Variants in DMTN observed in about 807,000 individuals in gnomAD.
DMTN encodes the protein dematin actin binding protein.
In DMTN, 27 loss-of-function variants were observed where a neutral mutation model predicts 59.4. That is an observed-to-expected ratio of 0.45 (90% confidence interval 0.33 to 0.63). The LOEUF (loss-of-function observed/expected upper bound fraction) is 0.63. DMTN is among the 20% of genes least tolerant of loss of function. The pLI, the probability that DMTN is intolerant of heterozygous loss-of-function variation, is 0.02. For missense variants in DMTN, 451 were observed against 528.9 expected (o/e 0.85, Z 1.45); for synonymous variants, 221 against 203.7 (o/e 1.08, Z -0.72).
In DMTN at chr8:22,067,784, C is replaced by T. The variant is rs371111018; in HGVS notation, c.249+102C>T. 4.3e-5 allele frequency: 61 copies of T among 1,404,314 alleles called. 2 individuals carry two copies. The South Asian group carries it at 5.7e-4, about 13-fold the overall frequency. The allele number at this position is 1,404,314 out of a possible 1,614,324, so 87.0% of individuals were successfully genotyped here. On this transcript the variant is annotated intron_variant, in intron 4 of 15. Transcript: ENST00000358242. ...TGCTTCCTTTCCTGGAGGTCTGCCTCGGCAAAACAAGAGAGGGAACTGTGC... is the reference window on the plus strand; with the variant it reads ...TGCTTCCTTTCCTGGAGGTCTGCCTTGGCAAAACAAGAGAGGGAACTGTGC...
chr8:22,081,105 A>G lies in DMTN; in HGVS notation c.1024-8A>G. The G allele has an allele frequency of 1.4e-6, 1 of 696,842 alleles. No homozygotes were observed. The highest frequency in any genetic ancestry group is 1.4e-5 in the South Asian group (1 of 70,474). The allele number at this position is 696,842 out of a possible 1,614,324, so 43.2% of individuals were successfully genotyped here. A position where few individuals can be genotyped will look rare whatever the true frequency, so the allele number is the denominator to read the frequency against. The stretch of plus-strand genomic sequence containing the variant: ...TGAGCCTAAGATTGCCCCTCCCCCC[A>G]CCCCCAGATCTATCCCTATGAAATG... On this transcript the variant is annotated splice_polypyrimidine_tract_variant and splice_region_variant and intron_variant, in intron 14 of 15. Coordinates refer to ENST00000358242, the MANE Select transcript of DMTN (RefSeq NM_001387751.1).
intron 1 of DMTN, among the ~76,000 whole-genome samples, chr8:22,064,888 A>T (rs1332397362): frequency 6.6e-6 from 1 of 152,160 alleles, no homozygotes; most frequent in East Asian, 1.9e-4. Context: ...CGTGCTGAAG[A>T]CACAGTCATT....
At chr8:22,052,148 G>A (rs931577579), upstream of DMTN, among the ~76,000 whole-genome samples, 2 of 152,204 alleles carry the variant, frequency 1.3e-5, no homozygotes, top group Non-Finnish European at 2.9e-5. Flanking sequence ...TGTCTCCACT[G>A]CCACTGGTCT....
chr8:22,067,546 T>C lies in DMTN; in HGVS notation c.113T>C (p.Val38Ala), dbSNP rs770590806. 5 of 1,614,110 alleles carry C rather than the reference T, an allele frequency of 3.1e-6. No homozygotes were observed. The highest frequency in any genetic ancestry group is 3.4e-6 in the Non-Finnish European group (4 of 1,180,018). The change falls in exon 4 of 16, where the codon GTG becomes GCG. Residue 38 changes from valine to alanine, a missense_variant. Val to Ala is a moderately conservative substitution (Grantham distance 64). Coordinates refer to ENST00000358242, the MANE Select transcript of DMTN (RefSeq NM_001387751.1). ...CTTCAGGCCAAGATGGACAATCAGGTGCTGGGCTACAAGGACCTGGCTGCC... is the reference window on the plus strand; with the variant it reads ...CTTCAGGCCAAGATGGACAATCAGGCGCTGGGCTACAAGGACCTGGCTGCC... ...SSIVAKMDNQ[V>A]LGYKDLAAIP...
intron 4 of DMTN, among the ~76,000 whole-genome samples, chr8:22,068,654 G>A (rs1042956302): frequency 6.6e-6 from 1 of 151,458 alleles, no homozygotes; most frequent in African/African-American, 2.4e-5. Context: ...GGGAAGGAAG[G>A]GAGGAAGGCA....
At chr8:22,078,167 C>G (rs1158584016) in intron 10 of DMTN, among the ~76,000 whole-genome samples, 2 of 151,750 alleles carry the variant, frequency 1.3e-5, no homozygotes, top group African/African-American at 2.4e-5. Flanking sequence ...GAGCTCAAGA[C>G]CAGCATGGCC....
upstream of DMTN, among the ~76,000 whole-genome samples, chr8:22,049,395 C>A (rs1321544991): frequency 1.5e-4 from 18 of 122,960 alleles, no homozygotes; most frequent in Admixed American, 1.1e-3. Flanking sequence ...GGGTAGGGGG[C>A]GAGAGGGGCG....
upstream of DMTN, among the ~76,000 whole-genome samples, chr8:22,055,301 G>A (rs913528711): frequency 2.0e-5 from 3 of 152,142 alleles, no homozygotes; most frequent in Non-Finnish European, 4.4e-5. Flanking sequence ...GGGGTGCGGC[G>A]GGGATCAGGA....
chr8:22,082,459 C>G lies in DMTN; in HGVS notation c.*996C>G, dbSNP rs1824764472. ...GCCCAGACCCTGACATCCCTTTCCA[C>G]TGTGTGTGTGACCATGCTGGGGGAG... is the stretch of plus-strand genomic sequence containing the variant. On this transcript the variant is annotated 3_prime_UTR_variant, in exon 16 of 16. Transcript: ENST00000358242. 4 of 339,770 alleles carry G rather than the reference C, an allele frequency of 1.2e-5. No homozygotes were observed. The highest frequency in any genetic ancestry group is 9.3e-5 in the South Asian group (4 of 42,924). The allele number at this position is 339,770 out of a possible 1,614,324, so 21.0% of individuals were successfully genotyped here.
intron 8 of DMTN, 138 bp from the exon 9 acceptor site, chr8:22,072,188 C>G: frequency 3.5e-6 from 4 of 1,159,196 alleles, no homozygotes; most frequent in Non-Finnish European, 4.5e-6. Flanking sequence ...TCTACCGACC[C>G]TACTTTATTT....
rs766834317 is a variant in DMTN, at chr8:22,081,181, G to C, written c.1092G>C (p.Arg364=). Residue 364 remains arginine, a synonymous_variant, in exon 15 of 16, where the codon CGG becomes CGC. Coordinates refer to ENST00000358242, the MANE Select transcript of DMTN (RefSeq NM_001387751.1). ...GRTKLPPGVD[R]MRLERHLSAE... ...CCAAGCTGCCACCGGGGGTGGATCGGATGCGGCTTGAGGTAGGCAAGGAAG... is the reference window on the plus strand; with the variant it reads ...CCAAGCTGCCACCGGGGGTGGATCGCATGCGGCTTGAGGTAGGCAAGGAAG... 7 of 1,613,330 alleles carry C rather than the reference G, an allele frequency of 4.3e-6. No homozygotes were observed. Among genetic ancestry groups the C allele is most frequent in the Non-Finnish European group, 5.9e-6 (7 of 1,179,886 alleles).
At chr8:22,076,421 G>A (rs1292766925) in intron 10 of DMTN, among the ~76,000 whole-genome samples, 2 of 152,010 alleles carry the variant, frequency 1.3e-5, no homozygotes, top group African/African-American at 2.4e-5. Context: ...TCTGGGCAAC[G>A]TAGTGAGACA....
intron 8 of DMTN, among the ~76,000 whole-genome samples, chr8:22,071,579 A>ATATT (rs1392944028): frequency 1.3e-5 from 2 of 150,300 alleles, no homozygotes; most frequent in African/African-American, 4.9e-5. Flanking sequence ...ATTTATATTT[A>ATATT]TATTTATTTA....
chr8:22,073,848 G>A lies in DMTN; in HGVS notation c.835+13G>A, dbSNP rs2131273343. ...CCCTTCCATACCTGTGAGTGCTGTG[G>A]AGGGGGCTCAGAGTCACCTGGCCAG... On this transcript the variant is annotated intron_variant, in intron 10 of 15. Coordinates refer to ENST00000358242, the MANE Select transcript of DMTN (RefSeq NM_001387751.1). The A allele has an allele frequency of 6.2e-7, 1 of 1,611,986 alleles. No homozygotes were observed. The highest frequency in any genetic ancestry group is 2.2e-5 in the East Asian group (1 of 44,860).
At chr8:22,077,249 A>G (rs1020481031) in intron 10 of DMTN, among the ~76,000 whole-genome samples, 1 of 152,104 alleles carries the variant, frequency 6.6e-6, no homozygotes, top group African/African-American at 2.4e-5. Flanking sequence ...GGAGTTCTCC[A>G]TGAGGTTGCT....
rs1027266943 is a variant in DMTN, at chr8:22,081,762, A to G, written c.*299A>G. On this transcript the variant is annotated 3_prime_UTR_variant, in exon 16 of 16. Coordinates refer to ENST00000358242, the MANE Select transcript of DMTN (RefSeq NM_001387751.1). Reference sequence around the variant, plus strand: ...TCCCTGCCCCTCACCCCAGAGGGTGAGGAGGAATGAGGGGCATTGGTGGTT... The same window carrying G: ...TCCCTGCCCCTCACCCCAGAGGGTGGGGAGGAATGAGGGGCATTGGTGGTT... 7.6e-6 allele frequency: 4 copies of G among 527,210 alleles called. No homozygotes were observed. Among genetic ancestry groups the G allele is most frequent in the African/African-American group, 1.9e-5 (1 of 53,252 alleles). The allele number at this position is 527,210 out of a possible 1,614,324, so 32.7% of individuals were successfully genotyped here. A position where few individuals can be genotyped will look rare whatever the true frequency, so the allele number is the denominator to read the frequency against.
upstream of DMTN, among the ~76,000 whole-genome samples, chr8:22,050,937 C>A (rs538852810): frequency 6.6e-6 from 1 of 152,292 alleles, no homozygotes; most frequent in Admixed American, 6.5e-5. Flanking sequence ...TTCGAAGATG[C>A]TAAAAGGAAG....
chr8:22,057,347 A>C (rs940467588), intron 1 of DMTN, among the ~76,000 whole-genome samples: 2 of 152,112 alleles, frequency 1.3e-5, no homozygotes, highest in Non-Finnish European at 2.9e-5. Flanking sequence ...GGGTGTTCTC[A>C]TCCCAAGGAT....
chr8:22,051,939 C>T (rs1801394145), upstream of DMTN, among the ~76,000 whole-genome samples: 2 of 152,346 alleles, frequency 1.3e-5, no homozygotes, highest in Non-Finnish European at 2.9e-5. Context: ...CCTGTCCAGT[C>T]TCCCTATTCG....
Sources: allele counts gnomAD v4.1 joint callset (sites outside exome capture counted in the v4.1 genomes callset), GRCh38; gene constraint gnomAD v4.1.1; transcripts MANE v1.5; gene names NCBI Gene and HGNC (gene_info 2026-07-23, HGNC 2026-07-21).